Variants in ACLY observed in about 807,000 individuals in gnomAD.
The protein encoded by ACLY is ATP-citrate synthase.
ACLY carries 41 observed loss-of-function variants against 133.0 expected under a neutral mutation model. That is an observed-to-expected ratio of 0.31 (90% CI 0.24 to 0.40). The LOEUF (loss-of-function observed/expected upper bound fraction) is 0.40. Among genes scored for constraint, ACLY ranks in the 10% least tolerant of loss-of-function variants. The pLI, the probability that ACLY is intolerant of heterozygous loss-of-function variation, is 1.00. For missense variants in ACLY, 1,046 were observed against 1,453.8 expected (o/e 0.72, Z 4.56); for synonymous variants, 495 against 549.3 (o/e 0.90, Z 1.38).
At chr17:41,913,541 A>C (rs1178529488) in intron 2 of ACLY, among the ~76,000 whole-genome samples, 174 bp downstream of exon 2, 10 of 152,176 alleles carry the variant, frequency 6.6e-5, no homozygotes, top group Non-Finnish European at 1.5e-4. Context: ...GGGTACCTCA[A>C]CATGCAGGGC....
chr17:41,901,728 T>C lies in ACLY; in HGVS notation c.1151A>G (p.Tyr384Cys). ...TIFVRRGGPN[Y>C]QEGLRVMGEV... ...TCCCATCACCCGTAAGCCCTCCTGA[T>C]AGTTGGGGCCACCTCTTCGGACAAA... Residue 384 changes from tyrosine (Y) to cysteine (C), a missense_variant, in exon 11 of 29, where the codon TAT (tyrosine) becomes TGT (cysteine). Coordinates refer to ENST00000352035, the MANE Select transcript of ACLY (RefSeq NM_001096.3). 2 of 1,611,032 alleles carry C rather than the reference T, an allele frequency of 1.2e-6. No homozygotes were observed. Among genetic ancestry groups the C allele is most frequent in the Non-Finnish European group, 1.7e-6 (2 of 1,178,236 alleles).
At chr17:41,869,235 T>G in intron 26 of ACLY, 110 bp from the exon 27 acceptor site, 1 of 1,068,166 alleles carries the variant, frequency 9.4e-7, no homozygotes. Context: ...TTAAAAACCT[T>G]CTACCAGCCC....
At chr17:41,879,416 T>C (rs2048847575) in intron 20 of ACLY, among the ~76,000 whole-genome samples, 1 of 145,120 alleles carries the variant, frequency 6.9e-6, no homozygotes, top group Non-Finnish European at 1.5e-5. Flanking sequence ...CCCCCGCCTT[T>C]TTTTTTTTTT....
upstream of ACLY, among the ~76,000 whole-genome samples, chr17:41,922,311 G>T (rs1338066043): frequency 1.3e-5 from 2 of 150,802 alleles, no homozygotes; most frequent in Admixed American, 6.6e-5. Context: ...CCCAGGAGGC[G>T]GAGGTTGCAG....
chr17:41,916,643 G>A (rs2050059945), intron 1 of ACLY, among the ~76,000 whole-genome samples: 2 of 151,424 alleles, frequency 1.3e-5, no homozygotes, highest in Admixed American at 1.3e-4. Flanking sequence ...CCAAAGTGCT[G>A]GGATTTACAG....
At chr17:41,894,200 G>A (rs1366983084) in intron 14 of ACLY, among the ~76,000 whole-genome samples, 2 of 128,482 alleles carry the variant, frequency 1.6e-5, no homozygotes, top group South Asian at 2.8e-4. Context: ...CCAGGTGACA[G>A]AGCGGGACTC....
At chr17:41,915,031 A>C (rs2050015228) in intron 1 of ACLY, among the ~76,000 whole-genome samples, 1 of 152,178 alleles carries the variant, frequency 6.6e-6, no homozygotes, top group Non-Finnish European at 1.5e-5. Flanking sequence ...TTATGACCCA[A>C]GACTCGAACC....
In ACLY at chr17:41,873,797, C is replaced by T. The variant is rs782489504; in HGVS notation, c.2642+14G>A. The T allele has an allele frequency of 1.3e-6, 2 of 1,543,756 alleles. No individual in the cohort carries two copies. Among genetic ancestry groups the T allele is most frequent in the African/African-American group, 1.4e-5 (1 of 72,632 alleles). On this transcript the variant is annotated intron_variant, in intron 23 of 28. Coordinates refer to ENST00000352035, the MANE Select transcript of ACLY (RefSeq NM_001096.3). ...AGCTGCAGGGCCCTGTAATCTTCTG[C>T]CCTCCATGCTCACCTTTTCTGGAAC...
intron 23 of ACLY, among the ~76,000 whole-genome samples, chr17:41,872,859 A>T (rs2048633211): frequency 6.6e-6 from 1 of 152,176 alleles, no homozygotes; most frequent in Non-Finnish European, 1.5e-5. Context: ...CAAAGTATGG[A>T]GAGGTGGGAG....
At chr17:41,917,664 T>G (rs2050086202) in intron 1 of ACLY, among the ~76,000 whole-genome samples, 1 of 152,172 alleles carries the variant, frequency 6.6e-6, no homozygotes, top group African/African-American at 2.4e-5. Context: ...ATTTATTTAT[T>G]TATTTTTTGA....
intron 5 of ACLY, among the ~76,000 whole-genome samples, chr17:41,909,278 G>A (rs1484508131): frequency 2.6e-5 from 4 of 152,172 alleles, no homozygotes; most frequent in African/African-American, 9.7e-5. Flanking sequence ...CGAGAAGCTG[G>A]AGGCAGAGGT....
intron 9 of ACLY, among the ~76,000 whole-genome samples, chr17:41,905,177 T>A (rs2144374249): frequency 6.6e-6 from 1 of 152,254 alleles, no homozygotes; most frequent in East Asian, 1.9e-4. Context: ...CCAGGTAATA[T>A]AAGAGGGTCA....
chr17:41,879,358 G>A (rs550367415), intron 20 of ACLY, among the ~76,000 whole-genome samples: 5 of 150,650 alleles, frequency 3.3e-5, no homozygotes, highest in Non-Finnish European at 7.4e-5. Context: ...CACCAGCCTC[G>A]GCCTTGCAAA....
intron 18 of ACLY, 108 bp downstream of exon 18, chr17:41,886,004 T>G: frequency 1.9e-6 from 2 of 1,064,384 alleles, no homozygotes; most frequent in Non-Finnish European, 2.8e-6. Flanking sequence ...GCAGCATTCC[T>G]GCGGGCCTGG....
intron 3 of ACLY, among the ~76,000 whole-genome samples, chr17:41,911,696 G>C (rs2049906114): frequency 6.6e-6 from 1 of 152,076 alleles, no homozygotes; most frequent in Non-Finnish European, 1.5e-5. Context: ...TGCACCTATA[G>C]TCCCGGATAC....
At chr17:41,896,986 C>A (rs1301443578) in intron 13 of ACLY, among the ~76,000 whole-genome samples, 1 of 152,240 alleles carries the variant, frequency 6.6e-6, no homozygotes, top group Non-Finnish European at 1.5e-5. Flanking sequence ...CTCTAGCTGG[C>A]GCAGTCCCAC....
chr17:41,869,083 C>A lies in ACLY; in HGVS notation c.3094G>T (p.Ala1032Ser). 1 of 1,613,904 alleles carries A rather than the reference C, an allele frequency of 6.2e-7. No individual in the cohort carries two copies. The highest frequency in any genetic ancestry group is 2.2e-5 in the East Asian group (1 of 44,872). ...CAGTTTCTAAGCATGTCTACAAATG[C>A]GACTCCGATGAGACCATCTACATTC... ...ILNVDGLIGV[A>S]FVDMLRNCGS... The change falls in exon 27 of 29, where the codon GCA becomes TCA. Residue 1032 changes from alanine to serine, a missense_variant. By Grantham distance (99) the Ala-to-Ser change is moderately conservative. Transcript: ENST00000352035.
chr17:41,912,573 A>T (rs1555633849), intron 2 of ACLY, 31 bp from the exon 3 acceptor site: 1 of 1,613,524 alleles, frequency 6.2e-7, no homozygotes, highest in African/African-American at 1.3e-5. Flanking sequence ...ATTTAGAGTG[A>T]GGAAGAATTA....
At chr17:41,869,757 G>A (rs1442703794) in intron 25 of ACLY, among the ~76,000 whole-genome samples, 170 bp from the exon 26 acceptor site, 1 of 152,142 alleles carries the variant, frequency 6.6e-6, no homozygotes, top group Non-Finnish European at 1.5e-5. Flanking sequence ...CATGAGGCTG[G>A]CTTTTGAAGT....
Sources: allele counts gnomAD v4.1 joint callset (sites outside exome capture counted in the v4.1 genomes callset), GRCh38; gene constraint gnomAD v4.1.1; transcripts MANE v1.5; gene names NCBI Gene and HGNC (gene_info 2026-07-23, HGNC 2026-07-21).